The following SCUBE2 variants were observed in gnomAD, a reference collection of about 807,000 sequenced individuals.
SCUBE2 encodes the protein signal peptide, CUB and EGF-like domain-containing protein 2.
A neutral mutation model predicts 125.9 loss-of-function variants in SCUBE2; 114 were observed. That is an observed-to-expected ratio of 0.91 (90% CI 0.78 to 1.06). The LOEUF (loss-of-function observed/expected upper bound fraction) is 1.06, where lower values mean the gene tolerates loss of function less well. Ranked by LOEUF, SCUBE2 falls within the 50% of genes least tolerant of loss-of-function variation. The probability of loss-of-function intolerance (pLI) is 0.00; values close to 1 mark genes in which losing one functional copy is unlikely to be tolerated. For synonymous variants in SCUBE2, 459 were observed against 492.9 expected, an observed-to-expected ratio of 0.93 and a Z score of 0.91; for missense variants, 1,255 against 1,301.8, an observed-to-expected ratio of 0.96 and a Z score of 0.55.
At chr11:9,029,359 C>T (rs1856072555) in intron 19 of SCUBE2, among the ~76,000 whole-genome samples, 1 of 152,178 alleles carries the variant, frequency 6.6e-6, no homozygotes, top group African/African-American at 2.4e-5. Flanking sequence ...CTGTGCTTCC[C>T]CCAGCTGCTC....
rs868382790 is a variant in SCUBE2 at position 9,019,575 on chromosome 11, C to A, written c.*1470G>T. 6.6e-6 allele frequency among the ~76,000 whole-genome samples: 1 copy of A among 151,564 alleles called. No homozygotes were observed. The highest frequency in any genetic ancestry group is 1.5e-5 in the Non-Finnish European group (1 of 67,918). On this transcript the variant is annotated 3_prime_UTR_variant, in exon 23 of 23. Transcript: ENST00000649792. Reference sequence around the variant, plus strand: ...GAAATCTGAAAATGAATATTTAGGGCCCATCCAAATAAAGAAGTTTGATTA... The same window carrying A: ...GAAATCTGAAAATGAATATTTAGGGACCATCCAAATAAAGAAGTTTGATTA...
chr11:9,065,981 C>T lies in SCUBE2; in HGVS notation c.761-1G>A. ...ACCTCCAGGACAGTGTCCTCTCGCTCTACAAGAGAAGCAAAAGAGCACGGT... is the reference window on the plus strand; with the variant it reads ...ACCTCCAGGACAGTGTCCTCTCGCTTTACAAGAGAAGCAAAAGAGCACGGT... On this transcript the variant is annotated splice_acceptor_variant, in intron 6 of 22. Coordinates refer to ENST00000649792, the MANE Select transcript of SCUBE2 (RefSeq NM_001367977.2). LOFTEE classifies it high-confidence loss of function. 1 of 1,611,936 alleles carries T rather than the reference C, an allele frequency of 6.2e-7. No individual in the cohort carries two copies. The highest frequency in any genetic ancestry group is 8.5e-7 in the Non-Finnish European group (1 of 1,178,096).
chr11:9,072,968 G>C (rs1463373094), intron 4 of SCUBE2, among the ~76,000 whole-genome samples: 1 of 152,190 alleles, frequency 6.6e-6, no homozygotes, highest in Non-Finnish European at 1.5e-5. Flanking sequence ...ACAGGGATAA[G>C]AGGTGATCTT....
chr11:9,030,059 G>A lies in SCUBE2; in HGVS notation c.2342-14C>T. Reference sequence around the variant, plus strand: ...GTGAACATTGAACTGTGGGTCAAGGGAGGGTGAAAAGAATGAAAAAAAGAA... The same window carrying A: ...GTGAACATTGAACTGTGGGTCAAGGAAGGGTGAAAAGAATGAAAAAAAGAA... On this transcript the variant is annotated splice_polypyrimidine_tract_variant and intron_variant, in intron 18 of 22. Coordinates refer to ENST00000649792, the MANE Select transcript of SCUBE2 (RefSeq NM_001367977.2). 6.2e-7 allele frequency: 1 copy of A among 1,606,976 alleles called. No individual in the cohort carries two copies. The highest frequency in any genetic ancestry group is 8.5e-7 in the Non-Finnish European group (1 of 1,174,900).
intron 8 of SCUBE2, 101 bp downstream of exon 8, chr11:9,060,307 G>A (rs997685917): frequency 4.1e-5 from 34 of 823,300 alleles, no homozygotes; most frequent in Non-Finnish European, 6.0e-5. Context: ...CTCGAGTCAC[G>A]TGGGGTATGG....
intron 16 of SCUBE2, among the ~76,000 whole-genome samples, chr11:9,045,296 G>A (rs1283924657): frequency 6.6e-6 from 1 of 152,144 alleles, no homozygotes; most frequent in Non-Finnish European, 1.5e-5. Flanking sequence ...GGGAGCTGTG[G>A]AGAGAACTTT....
intron 14 of SCUBE2, chr11:9,050,306 T>C (rs1858216843): frequency 3.6e-6 from 1 of 274,036 alleles, no homozygotes; most frequent in Non-Finnish European, 6.8e-6. Flanking sequence ...GATCACAAAT[T>C]GCTAATTCAT....
intron 2 of SCUBE2, among the ~76,000 whole-genome samples, chr11:9,085,010 G>A (rs934627382): frequency 6.6e-6 from 1 of 152,150 alleles, no homozygotes; most frequent in Non-Finnish European, 1.5e-5. Flanking sequence ...GCATCTCAAA[G>A]TGTTAGGATT....
intron 7 of SCUBE2, among the ~76,000 whole-genome samples, chr11:9,061,405 A>G (rs894170990): frequency 6.6e-6 from 1 of 151,834 alleles, no homozygotes; most frequent in Non-Finnish European, 1.5e-5. Context: ...ACAAATTTTA[A>G]AAAATTAGCG....
At chr11:9,044,100 AG>A (rs1857486674) in intron 16 of SCUBE2, among the ~76,000 whole-genome samples, 1 of 152,230 alleles carries the variant, frequency 6.6e-6, no homozygotes, top group African/African-American at 2.4e-5. Context: ...GTTCACCAGT[AG>A]GGGTAGGGCT....
At chr11:9,080,253 G>A (rs573073308) in intron 2 of SCUBE2, among the ~76,000 whole-genome samples, 9 of 152,264 alleles carry the variant, frequency 5.9e-5, no homozygotes, top group Middle Eastern at 6.8e-3. Flanking sequence ...TCAAAAAGAT[G>A]ACTTTAGATC....
chr11:9,079,575 A>G, intron 2 of SCUBE2, 66 bp from the exon 3 acceptor site: 1 of 1,506,118 alleles, frequency 6.6e-7, no homozygotes, highest in Non-Finnish European at 9.0e-7. Context: ...ATATGCACTT[A>G]CCTCCAGCCA....
chr11:9,057,667 C>T (rs1047614305), intron 9 of SCUBE2, among the ~76,000 whole-genome samples: 4 of 150,654 alleles, frequency 2.7e-5, no homozygotes, highest in East Asian at 2.0e-4. Context: ...TACAGGTGCC[C>T]GCCACCGCGC....
intron 8 of SCUBE2, 23 bp downstream of exon 8, chr11:9,060,385 C>A (rs1306677095): frequency 1.9e-6 from 3 of 1,584,784 alleles, no homozygotes; most frequent in Non-Finnish European, 2.6e-6. Context: ...GGCACCCAGT[C>A]TCCCTGGGGA....
At chr11:9,081,627 C>T (rs1331521719) in intron 2 of SCUBE2, among the ~76,000 whole-genome samples, 1 of 151,360 alleles carries the variant, frequency 6.6e-6, no homozygotes, top group Non-Finnish European at 1.5e-5. Context: ...TGAGACTAGC[C>T]TGAGCAAGAT....
At chr11:9,086,260 T>G (rs1361093218) in intron 2 of SCUBE2, among the ~76,000 whole-genome samples, 1 of 152,214 alleles carries the variant, frequency 6.6e-6, no homozygotes, top group Non-Finnish European at 1.5e-5. Context: ...CTCACACATT[T>G]CTCCAACATT....
rs139356116 is a variant in SCUBE2, at chr11:9,030,018, T to G, written c.2369A>C (p.Asn790Thr). The stretch of plus-strand genomic sequence containing the variant: ...ACGAATACATCGGTGAGTGGTGGTG[T>G]TGTAGAAATGTCCAGGTGAACATTG... ...RVQCSPGHFY[N>T]TTTHRCIRCP... is the part of the protein sequence containing the mutation. The change falls in exon 19 of 23, where the codon AAC becomes ACC. Residue 790 changes from asparagine (N) to threonine (T), a missense_variant. By Grantham distance (65) the Asn-to-Thr change is moderately conservative. Around this residue, in one of 3 missense-constraint regions of SCUBE2, gnomAD observed 515 missense variants for 515.7 expected, o/e 1.00. Transcript: ENST00000649792. 2.8e-4 allele frequency: 456 copies of G among 1,614,082 alleles called. 2 individuals carry two copies. Among genetic ancestry groups the G allele is most frequent in the Non-Finnish European group, 3.5e-4 (413 of 1,180,044 alleles).
chr11:9,089,567 A>G, intron 2 of SCUBE2, 140 bp downstream of exon 2: 2 of 898,236 alleles, frequency 2.2e-6, no homozygotes, highest in Non-Finnish European at 3.4e-6. Context: ...AATATATTTC[A>G]GAGAGCAGGT....
At chr11:9,023,479 G>A (rs948269311) in intron 21 of SCUBE2, among the ~76,000 whole-genome samples, 6 of 152,142 alleles carry the variant, frequency 3.9e-5, no homozygotes, top group African/African-American at 9.6e-5. Context: ...TAAGAATGTC[G>A]GTTGCTGTGC....
Sources: gnomAD v4.1 joint callset for allele counts (sites outside exome capture counted in the v4.1 genomes callset) on GRCh38, gnomAD v4.1.1 for gene constraint, gnomAD v4.1.1 regional missense constraint, MANE v1.5 for transcripts, NCBI Gene and HGNC (gene_info 2026-07-23, HGNC 2026-07-21) for gene names.